MCU: variants seen among roughly 807,000 people sequenced by gnomAD.
MCU encodes the protein mitochondrial calcium uniporter.
In MCU, 12 loss-of-function variants were observed where a neutral mutation model predicts 45.2. That is an observed-to-expected ratio of 0.27 (90% CI 0.17 to 0.43). The LOEUF (loss-of-function observed/expected upper bound fraction) is 0.43. Ranked by LOEUF, MCU falls within the 20% of genes least tolerant of loss-of-function variation. The probability of loss-of-function intolerance (pLI) is 1.00; values close to 1 mark genes in which losing one functional copy is unlikely to be tolerated. For missense variants in MCU, 324 were observed against 436.7 expected, an observed-to-expected ratio of 0.74 and a Z score of 2.30; for synonymous variants, 160 against 165.1, an observed-to-expected ratio of 0.97 and a Z score of 0.24.
chr10:72,795,547 T>C (rs1844230172), intron 1 of MCU, among the ~76,000 whole-genome samples: 1 of 152,244 alleles, frequency 6.6e-6, no homozygotes, highest in Non-Finnish European at 1.5e-5. Flanking sequence ...TAACATGATA[T>C]AATTTCTGGG....
chr10:72,884,207 A>G, intron 6 of MCU, 59 bp from the exon 7 acceptor site: 1 of 1,000,470 alleles, frequency 1.0e-6, no homozygotes, highest in Non-Finnish European at 1.6e-6. Context: ...AGCAGTTAGT[A>G]AATATTTTGT....
chr10:72,704,842 TC>T (rs547601358), intron 1 of MCU, among the ~76,000 whole-genome samples: 100 of 149,488 alleles, frequency 6.7e-4, no homozygotes, highest in African/African-American at 2.4e-3. Context: ...TACCTCAGCC[TC>T]CCGAGTAGCT....
chr10:72,776,300 A>G (rs560341678), intron 1 of MCU, among the ~76,000 whole-genome samples: 31 of 152,362 alleles, frequency 2.0e-4, no homozygotes, highest in African/African-American at 7.5e-4. Context: ...ATTGGCGAAC[A>G]TAGATGCAGA....
intron 1 of MCU, among the ~76,000 whole-genome samples, chr10:72,829,689 A>G (rs1189187841): frequency 6.6e-6 from 1 of 152,020 alleles, no homozygotes; most frequent in Non-Finnish European, 1.5e-5. Flanking sequence ...TGTTAAAAAT[A>G]CAAAATTTAA....
chr10:72,741,574 CAGTG>C (rs1843332621), intron 1 of MCU, among the ~76,000 whole-genome samples: 1 of 152,260 alleles, frequency 6.6e-6, no homozygotes, highest in East Asian at 1.9e-4. Flanking sequence ...GGCATCTTAA[CAGTG>C]AGAAGAGTGT....
intron 1 of MCU, among the ~76,000 whole-genome samples, chr10:72,754,645 G>A (rs551337418): frequency 3.3e-4 from 50 of 152,316 alleles, no homozygotes; most frequent in African/African-American, 1.2e-3. Context: ...ACTTTGGGAG[G>A]CAGAGACAGG....
intron 4 of MCU, among the ~76,000 whole-genome samples, chr10:72,864,289 T>A (rs565922986): frequency 6.6e-6 from 1 of 152,286 alleles, no homozygotes; most frequent in African/African-American, 2.4e-5. Context: ...AATTTTTTTG[T>A]GTTTAGTCCA....
chr10:72,870,814 G>A (rs1845531469), intron 5 of MCU, among the ~76,000 whole-genome samples: 2 of 152,292 alleles, frequency 1.3e-5, no homozygotes, highest in African/African-American at 4.8e-5. Context: ...ACTGGATGAA[G>A]ACCTCTTGAA....
chr10:72,763,938 G>A (rs997130936), intron 1 of MCU, among the ~76,000 whole-genome samples: 7 of 151,864 alleles, frequency 4.6e-5, no homozygotes, highest in East Asian at 3.9e-4. Context: ...ACACACACAC[G>A]CATGTGCTCA....
intron 1 of MCU, among the ~76,000 whole-genome samples, chr10:72,738,715 A>G (rs1331214850): frequency 6.6e-6 from 1 of 152,232 alleles, no homozygotes. Flanking sequence ...TGCCTGGACA[A>G]TGAAGCTTGA....
At chr10:72,741,843 A>T (rs546392112) in intron 1 of MCU, among the ~76,000 whole-genome samples, 17 of 152,166 alleles carry the variant, frequency 1.1e-4, no homozygotes, top group African/African-American at 4.1e-4. Context: ...CCTGGCTAAG[A>T]CGGTGAAACC....
intron 1 of MCU, chr10:72,731,038 T>G (rs1843166346): frequency 6.6e-6 from 1 of 152,390 alleles, no homozygotes; most frequent in Admixed American, 6.5e-5. Flanking sequence ...TCCACCGGCC[T>G]TGGCCTCCCA....
chr10:72,757,858 A>G (rs912427131), intron 1 of MCU, among the ~76,000 whole-genome samples: 1 of 152,272 alleles, frequency 6.6e-6, no homozygotes, highest in African/African-American at 2.4e-5. Context: ...AAGCAGGTGT[A>G]TATTCACGTG....
At position 72,703,529 on chromosome 10, in the gene MCU, G is replaced by A. The variant is rs572944586; in HGVS notation, c.150+11228G>A. 2.6e-5 allele frequency among the ~76,000 whole-genome samples: 4 copies of A among 152,278 alleles called. No homozygotes were observed. In the South Asian group the frequency reaches 8.3e-4, roughly 32 times the overall value. On this transcript the variant is annotated intron_variant, in intron 1 of 7. Coordinates refer to ENST00000373053, the MANE Select transcript of MCU (RefSeq NM_138357.3). Reference sequence around the variant, plus strand: ...TTGTTCTGTAGGTCAGTGTTTTTATGTTTTGTTTTTAACTCAGCCCACAGT... The same window carrying A: ...TTGTTCTGTAGGTCAGTGTTTTTATATTTTGTTTTTAACTCAGCCCACAGT...
At chr10:72,861,547 A>G (rs1845375654) in intron 4 of MCU, 1 of 249,486 alleles carries the variant, frequency 4.0e-6, no homozygotes. Flanking sequence ...GGGTTTCACC[A>G]TATTGGTCAG....
At chr10:72,797,548 T>TTG (rs1844269385) in intron 1 of MCU, among the ~76,000 whole-genome samples, 2 of 149,034 alleles carry the variant, frequency 1.3e-5, no homozygotes, top group Admixed American at 6.7e-5. Flanking sequence ...TTTTTTTTTT[T>TTG]TTTTGAGATG....
intron 1 of MCU, among the ~76,000 whole-genome samples, chr10:72,783,936 T>C (rs1460569970): frequency 1.3e-5 from 2 of 152,198 alleles, no homozygotes; most frequent in Non-Finnish European, 2.9e-5. Context: ...GAAAAGCTTA[T>C]TAGGAAGTCT....
chr10:72,750,829 G>A (rs1843483600), intron 1 of MCU, among the ~76,000 whole-genome samples: 1 of 151,934 alleles, frequency 6.6e-6, no homozygotes, highest in Non-Finnish European at 1.5e-5. Context: ...CATTTGTTCT[G>A]TTTCTATACT....
At chr10:72,852,234 C>A (rs6480645) in intron 2 of MCU, among the ~76,000 whole-genome samples, 85,104 of 152,020 alleles carry the variant, frequency 0.56, 25,174 homozygotes, top group Non-Finnish European at 0.67. Flanking sequence ...GTTAAGGATT[C>A]TTTTAGAACA....
Sources: gnomAD v4.1 joint callset for allele counts (sites outside exome capture counted in the v4.1 genomes callset) on GRCh38, gnomAD v4.1.1 for gene constraint, MANE v1.5 for transcripts, NCBI Gene and HGNC (gene_info 2026-07-23, HGNC 2026-07-21) for gene names.